Variants in SERGEF observed in about 807,000 individuals in gnomAD.
The protein encoded by SERGEF is secretion-regulating guanine nucleotide exchange factor.
SERGEF carries 51 observed loss-of-function variants against 50.0 expected under a neutral mutation model. That is an observed-to-expected ratio of 1.02 (90% CI 0.81 to 1.29). The LOEUF (loss-of-function observed/expected upper bound fraction) is 1.29, where lower values mean the gene tolerates loss of function less well. Among genes scored for constraint, SERGEF ranks in the 50% most tolerant of loss-of-function variants. SERGEF has a pLI of 0.00. For synonymous variants in SERGEF, 205 were observed against 212.4 expected, an observed-to-expected ratio of 0.97 and a Z score of 0.30; for missense variants, 521 against 557.0, an observed-to-expected ratio of 0.94 and a Z score of 0.65.
intron 10 of SERGEF, among the ~76,000 whole-genome samples, chr11:17,848,831 T>C (rs1850663649): frequency 6.6e-6 from 1 of 152,232 alleles, no homozygotes; most frequent in Admixed American, 6.5e-5. Context: ...TCAAGGCTCT[T>C]GATAATAGCT....
At chr11:17,940,933 G>A (rs1355076938) in intron 9 of SERGEF, among the ~76,000 whole-genome samples, 1 of 152,082 alleles carries the variant, frequency 6.6e-6, no homozygotes, top group Non-Finnish European at 1.5e-5. Context: ...TCACAATTTG[G>A]TTTCTCCACC....
chr11:17,870,544 T>C (rs1851120219), intron 10 of SERGEF, among the ~76,000 whole-genome samples: 2 of 152,234 alleles, frequency 1.3e-5, no homozygotes, highest in South Asian at 4.1e-4. Context: ...AGCTTGATTT[T>C]AGCCAAGTGA....
intron 8 of SERGEF, among the ~76,000 whole-genome samples, chr11:17,978,124 A>C (rs1025583355): frequency 6.6e-6 from 1 of 152,148 alleles, no homozygotes; most frequent in Non-Finnish European, 1.5e-5. Context: ...CTGAGCCTCA[A>C]TCCTCACCTA....
intron 10 of SERGEF, among the ~76,000 whole-genome samples, chr11:17,795,891 T>G (rs1849564254): frequency 6.6e-6 from 1 of 152,226 alleles, no homozygotes; most frequent in Non-Finnish European, 1.5e-5. Context: ...TAGCACTGTT[T>G]GCAACTGCAA....
rs879082262 is a variant in SERGEF, at chr11:17,877,977, C to T, written c.1048+231G>A. The stretch of plus-strand genomic sequence containing the variant: ...ATATGCTCAAATGCCACTTCCCGGG[C>T]AGGGAGGCCAGCTCAGGTACCTTAA... On this transcript the variant is annotated intron_variant, in intron 10 of 10. Coordinates refer to ENST00000265965, the MANE Select transcript of SERGEF (RefSeq NM_012139.4). 1.8e-4 allele frequency: 79 copies of T among 431,504 alleles called. No individual in the cohort carries two copies. The South Asian group carries it at 3.4e-3, about 18-fold the overall frequency. 26.7% of individuals were successfully genotyped at this position (431,504 alleles called of 1,614,324 possible). A position where few individuals can be genotyped will look rare whatever the true frequency, so the allele number is the denominator to read the frequency against.
chr11:17,972,222 A>G (rs1461956580), intron 8 of SERGEF, among the ~76,000 whole-genome samples: 3 of 152,266 alleles, frequency 2.0e-5, no homozygotes, highest in East Asian at 1.9e-4. Flanking sequence ...AGGGTTTGAG[A>G]GGACTGACTC....
At chr11:17,849,063 C>T (rs999572555) in intron 10 of SERGEF, among the ~76,000 whole-genome samples, 1 of 152,184 alleles carries the variant, frequency 6.6e-6, no homozygotes, top group Non-Finnish European at 1.5e-5. Flanking sequence ...TGCTTCCAAT[C>T]AATTCTAAGT....
intron 10 of SERGEF, among the ~76,000 whole-genome samples, chr11:17,841,174 C>G (rs11827988): frequency 0.64 from 97,012 of 151,970 alleles, 31,474 homozygotes; most frequent in East Asian, 0.85. Flanking sequence ...ATCTGGGTCA[C>G]ATTTCTCGGG....
At chr11:17,920,663 C>A (rs571814770) in intron 9 of SERGEF, among the ~76,000 whole-genome samples, 7 of 152,292 alleles carry the variant, frequency 4.6e-5, no homozygotes, top group African/African-American at 7.2e-5. Context: ...TTTAGACAGA[C>A]CAAGTTTAAG....
At chr11:17,949,345 C>T (rs1293868186) in intron 9 of SERGEF, among the ~76,000 whole-genome samples, 2 of 151,968 alleles carry the variant, frequency 1.3e-5, no homozygotes, top group South Asian at 2.1e-4. Flanking sequence ...CAAAGAGAGG[C>T]TTAATTCAGG....
chr11:17,833,911 A>G (rs1183799382), intron 10 of SERGEF, among the ~76,000 whole-genome samples: 2 of 152,224 alleles, frequency 1.3e-5, no homozygotes, highest in Non-Finnish European at 2.9e-5. Context: ...ACTCATAGGC[A>G]GAAGGGACTT....
At chr11:17,953,097 C>T (rs933800902) in intron 9 of SERGEF, among the ~76,000 whole-genome samples, 10 of 146,630 alleles carry the variant, frequency 6.8e-5, no homozygotes, top group African/African-American at 2.6e-4. Flanking sequence ...CAGAACCCAG[C>T]AAAACCACAG....
intron 10 of SERGEF, chr11:17,855,345 A>C (rs560932698): frequency 6.6e-6 from 1 of 152,314 alleles, no homozygotes; most frequent in South Asian, 2.1e-4. Context: ...GGACAGTTTA[A>C]GGAGCCAGAT....
At chr11:18,001,244 T>C (rs1210698846) in intron 4 of SERGEF, among the ~76,000 whole-genome samples, 2 of 152,238 alleles carry the variant, frequency 1.3e-5, no homozygotes, top group Non-Finnish European at 2.9e-5. Flanking sequence ...GTTTTAAAAA[T>C]AGGTCCTCAA....
rs1307800469 is a variant in SERGEF, at chr11:17,988,785, G to A, written c.686-30C>T. The stretch of plus-strand genomic sequence containing the variant: ...AACAAACAGAAGGGTAACAAAAGAG[G>A]TGAGGGAACATTAGTCCAAAATGAT... On this transcript the variant is annotated intron_variant, in intron 7 of 10. Coordinates refer to ENST00000265965, the MANE Select transcript of SERGEF (RefSeq NM_012139.4). The A allele has an allele frequency of 1.9e-6, 3 of 1,603,448 alleles. No individual in the cohort carries two copies. In the African/African-American group the frequency reaches 4.0e-5, roughly 22 times the overall value.
intron 8 of SERGEF, among the ~76,000 whole-genome samples, chr11:17,984,829 T>C (rs1372033629): frequency 6.6e-6 from 1 of 152,206 alleles, no homozygotes; most frequent in Non-Finnish European, 1.5e-5. Flanking sequence ...TAGTTACTGA[T>C]CATCTGTTAT....
intron 9 of SERGEF, among the ~76,000 whole-genome samples, chr11:17,881,923 A>T (rs1358594477): frequency 2.0e-5 from 3 of 152,196 alleles, no homozygotes; most frequent in Non-Finnish European, 4.4e-5. Context: ...GGCCCTCATG[A>T]ATAGGTCCCT....
chr11:17,796,238 G>A (rs1565169519), intron 10 of SERGEF, among the ~76,000 whole-genome samples: 1 of 152,224 alleles, frequency 6.6e-6, no homozygotes, highest in Non-Finnish European at 1.5e-5. Flanking sequence ...CACTGACCCA[G>A]GAGGCCATGC....
At chr11:17,801,934 CTAA>C (rs1489078622) in intron 10 of SERGEF, among the ~76,000 whole-genome samples, 1 of 152,058 alleles carries the variant, frequency 6.6e-6, no homozygotes, top group African/African-American at 2.4e-5. Context: ...ACTACATGGG[CTAA>C]TAATATAAAT....
Sources: gnomAD v4.1 joint callset for allele counts (sites outside exome capture counted in the v4.1 genomes callset) on GRCh38, gnomAD v4.1.1 for gene constraint, MANE v1.5 for transcripts, NCBI Gene and HGNC (gene_info 2026-07-23, HGNC 2026-07-21) for gene names.